The following PUDP variants were observed in gnomAD, a reference collection of about 807,000 sequenced individuals.
The protein encoded by PUDP is pseudouridine 5'-phosphatase.
PUDP carries 8 observed loss-of-function variants against 9.4 expected under a neutral mutation model. That is an observed-to-expected ratio of 0.85 (90% confidence interval 0.50 to 1.53). PUDP has a LOEUF of 1.53. Ranked by LOEUF, PUDP falls within the 40% of genes most tolerant of loss-of-function variation. The pLI, the probability that PUDP is intolerant of heterozygous loss-of-function variation, is 0.00. For missense variants in PUDP, 188 were observed against 189.7 expected (o/e 0.99, Z 0.05); for synonymous variants, 99 against 80.7 (o/e 1.23, Z -1.22).
chrX:6,941,973 C>T (rs1289302518), intron 3 of PUDP, among the ~76,000 whole-genome samples: 1 of 111,844 alleles, frequency 8.9e-6, no homozygotes, highest in Non-Finnish European at 1.9e-5. Flanking sequence ...ACTGCATGTT[C>T]TCCCTTATAT....
At chrX:6,787,840 A>G (rs1806995135) in intron 3 of PUDP, among the ~76,000 whole-genome samples, 1 of 112,590 alleles carries the variant, frequency 8.9e-6, no homozygotes, top group Non-Finnish European at 1.9e-5. Flanking sequence ...GTCACTGCCA[A>G]AAGCTTAGAA....
At chrX:7,102,418 T>A (rs73192637) in intron 2 of PUDP, among the ~76,000 whole-genome samples, 1 of 104,711 alleles carries the variant, frequency 9.6e-6, no homozygotes, top group African/African-American at 3.5e-5. Context: ...AAATTAAGGA[T>A]AGAAAAAAAA....
At chrX:7,016,386 A>T (rs1929549405) in intron 1 of PUDP, among the ~76,000 whole-genome samples, 1 of 110,593 alleles carries the variant, frequency 9.0e-6, no homozygotes, top group South Asian at 3.9e-4. Context: ...TTTAACTATC[A>T]AACTGTGACT....
At chrX:6,838,474 A>G (rs764028654) in intron 3 of PUDP, among the ~76,000 whole-genome samples, 15 of 112,434 alleles carry the variant, frequency 1.3e-4, no homozygotes, top group Non-Finnish European at 2.1e-4. Flanking sequence ...CAAGTTGCCC[A>G]TGGCAGATGG....
chrX:7,075,142 A>G (rs1713910779), intron 3 of PUDP, among the ~76,000 whole-genome samples: 1 of 112,089 alleles, frequency 8.9e-6, no homozygotes, highest in Admixed American at 9.4e-5. Context: ...TTTCAACCTA[A>G]TAAGATGCCT....
chrX:6,950,554 G>A (rs1928539486), intron 3 of PUDP, among the ~76,000 whole-genome samples: 1 of 102,716 alleles, frequency 9.7e-6, no homozygotes, highest in Non-Finnish European at 2.0e-5. Context: ...GGGACTACAG[G>A]CACCCACCAC....
At chrX:6,922,546 CAT>C (rs1221477747) in intron 3 of PUDP, among the ~76,000 whole-genome samples, 1 of 112,374 alleles carries the variant, frequency 8.9e-6, no homozygotes, top group African/African-American at 3.2e-5. Context: ...GGCCAGTAAG[CAT>C]ATTAAATTTA....
intron 2 of PUDP, among the ~76,000 whole-genome samples, chrX:7,079,874 T>C (rs1253037315): frequency 3.6e-5 from 4 of 112,027 alleles, no homozygotes; most frequent in East Asian, 2.8e-4. Context: ...AGTTGCCACA[T>C]TGAAAACCTG....
At chrX:6,823,898 T>C (rs890430632) in intron 3 of PUDP, among the ~76,000 whole-genome samples, 2 of 112,626 alleles carry the variant, frequency 1.8e-5, no homozygotes, top group Non-Finnish European at 3.8e-5. Context: ...CGTTTTAGCA[T>C]GCTAATGCAT....
At chrX:6,922,247 TA>T (rs1928035956) in intron 3 of PUDP, among the ~76,000 whole-genome samples, 1 of 111,431 alleles carries the variant, frequency 9.0e-6, no homozygotes, top group Non-Finnish European at 1.9e-5. Flanking sequence ...TAAAATAACT[TA>T]AAGAGTGTAA....
chrX:7,027,568 T>C (rs1174709901), intron 1 of PUDP, among the ~76,000 whole-genome samples: 4 of 101,662 alleles, frequency 3.9e-5, no homozygotes, highest in South Asian at 8.6e-4. Context: ...AGAATATATA[T>C]GAGATATATA....
chrX:6,757,201 G>A (rs1007477582), intron 3 of PUDP, among the ~76,000 whole-genome samples: 2 of 111,562 alleles, frequency 1.8e-5, no homozygotes, highest in Admixed American at 9.6e-5. Flanking sequence ...AGATAGAGCC[G>A]GATGATCCCT....
chrX:6,733,065 G>C (rs760781390), intron 3 of PUDP, among the ~76,000 whole-genome samples: 3 of 112,548 alleles, frequency 2.7e-5, no homozygotes, highest in Non-Finnish European at 5.6e-5. Context: ...AAGGGGCATG[G>C]ATTGAGCCAC....
At chrX:6,775,267 C>A (rs1406014873) in intron 3 of PUDP, among the ~76,000 whole-genome samples, 1 of 111,918 alleles carries the variant, frequency 8.9e-6, no homozygotes, top group African/African-American at 3.2e-5. Context: ...TTGTAGTATA[C>A]ACTAGTAGTT....
intron 3 of PUDP, among the ~76,000 whole-genome samples, chrX:6,752,780 G>C (rs748144986): frequency 1.1e-4 from 12 of 111,315 alleles, no homozygotes; most frequent in Non-Finnish European, 2.1e-4. Flanking sequence ...AGGAAGAAGA[G>C]GGAAAAGATA....
At chrX:6,907,582 C>T (rs6654829) in intron 3 of PUDP, among the ~76,000 whole-genome samples, 27,477 of 111,128 alleles carry the variant, frequency 0.25, 2,653 homozygotes, top group Admixed American at 0.4. Flanking sequence ...CCTGTTTTGT[C>T]TTCAGCTACA....
chrX:7,003,675 T>A (rs1261405795), intron 1 of PUDP, among the ~76,000 whole-genome samples: 1 of 112,064 alleles, frequency 8.9e-6, no homozygotes, highest in Non-Finnish European at 1.9e-5. Context: ...CATTCTTTTG[T>A]ACATCTCTGC....
intron 3 of PUDP, among the ~76,000 whole-genome samples, chrX:6,782,372 C>T (rs1925578123): frequency 9.0e-6 from 1 of 110,943 alleles, no homozygotes; most frequent in Admixed American, 9.7e-5. Context: ...GAATTTGAGA[C>T]CAGCCTGGCC....
chrX:6,724,800 C>A (rs1210810806), upstream of PUDP, among the ~76,000 whole-genome samples: 1 of 111,456 alleles, frequency 9.0e-6, no homozygotes, highest in Non-Finnish European at 1.9e-5. Context: ...TCCCACCCCC[C>A]ATCCACCATG....
Sources: gnomAD v4.1 joint callset for allele counts (sites outside exome capture counted in the v4.1 genomes callset) on GRCh38, gnomAD v4.1.1 for gene constraint, MANE v1.5 for transcripts, NCBI Gene and HGNC (gene_info 2026-07-23, HGNC 2026-07-21) for gene names.